The following PLCG2 variants were observed in gnomAD, a reference collection of about 807,000 sequenced individuals.
The protein encoded by PLCG2 is 1-phosphatidylinositol 4,5-bisphosphate phosphodiesterase gamma-2.
In PLCG2, 69 loss-of-function variants were observed where a neutral mutation model predicts 175.6. The ratio of observed to expected loss-of-function variants is 0.39; its 90% CI spans 0.32 to 0.48. The LOEUF (loss-of-function observed/expected upper bound fraction) is 0.48. Among genes scored for constraint, PLCG2 ranks in the 20% least tolerant of loss-of-function variants. PLCG2 has a pLI of 0.91. For synonymous variants in PLCG2, 827 were observed against 624.0 expected (o/e 1.33, Z -4.85); for missense variants, 1,798 against 1,650.9 (o/e 1.09, Z -1.54).
At position 81,912,660 on chromosome 16, in the gene PLCG2, C is replaced by G. The variant is rs745784908; in HGVS notation, c.1998C>G (p.Asp666Glu). The G allele has an allele frequency of 1.9e-6, 3 of 1,612,782 alleles. No homozygotes were observed. Among genetic ancestry groups the G allele is most frequent in the Non-Finnish European group, 2.5e-6 (3 of 1,179,658 alleles). The change falls in exon 19 of 33, where the codon GAC becomes GAG. Residue 666 changes from aspartate to glutamate, a missense_variant. Coordinates refer to ENST00000564138, the MANE Select transcript of PLCG2 (RefSeq NM_002661.5). ...ACATGCTGATGAGGATTCCCCGGGA[C>G]GGGGCCTTCCTGATCCGGAAGCGAG... ...AEDMLMRIPR[D>E]GAFLIRKREG...
chr16:81,957,718 T>C (rs1911631971), intron 32 of PLCG2, among the ~76,000 whole-genome samples: 1 of 152,108 alleles, frequency 6.6e-6, no homozygotes, highest in African/African-American at 2.4e-5. Flanking sequence ...ATTATTCTCA[T>C]TGAATCTTCA....
At chr16:81,940,601 A>G (rs372759163) in intron 30 of PLCG2, among the ~76,000 whole-genome samples, 1 of 152,178 alleles carries the variant, frequency 6.6e-6, no homozygotes, top group East Asian at 1.9e-4. Flanking sequence ...AGATCCCTTC[A>G]TGGTATAAGA....
chr16:81,947,923 A>G (rs999833442), intron 31 of PLCG2, among the ~76,000 whole-genome samples: 1 of 152,100 alleles, frequency 6.6e-6, no homozygotes, highest in East Asian at 1.9e-4. Flanking sequence ...GATTTTTTGT[A>G]TATGATATTT....
At chr16:81,883,396 A>G in intron 9 of PLCG2, 55 bp downstream of exon 9, 3 of 1,435,210 alleles carry the variant, frequency 2.1e-6, no homozygotes, top group Non-Finnish European at 2.9e-6. Flanking sequence ...GCTGCTGGGG[A>G]CTAGTCTCAC....
rs375164693 is a variant in PLCG2, at chr16:81,739,330, C to T, written c.-200C>T. The T allele has an allele frequency of 5.3e-5, 8 of 152,120 alleles. No individual in the cohort carries two copies. The East Asian group carries it at 1.6e-3, about 30-fold the overall frequency. 9.4% of individuals were successfully genotyped at this position (152,120 alleles called of 1,614,324 possible). ...CGGAAGAAATAGGCCCAGAGAGCAA[C>T]AGTGGCGGGTCTGCAGTCACACAGC... On this transcript the variant is annotated 5_prime_UTR_variant, in exon 1 of 6. Coordinates refer to the PLCG2 transcript ENST00000565054.
At chr16:81,761,594 T>C (rs1427872093) in intron 2 of PLCG2, among the ~76,000 whole-genome samples, 3 of 152,154 alleles carry the variant, frequency 2.0e-5, no homozygotes, top group South Asian at 2.1e-4. Flanking sequence ...CCCAGTTTCC[T>C]CCTTTGTAAA....
At chr16:81,823,484 C>T (rs527753829) in intron 2 of PLCG2, among the ~76,000 whole-genome samples, 97 of 152,276 alleles carry the variant, frequency 6.4e-4, no homozygotes, top group Admixed American at 2.0e-3. Context: ...CCCTTCCTGT[C>T]TAGCTTGGAT....
intron 30 of PLCG2, among the ~76,000 whole-genome samples, chr16:81,944,718 C>T (rs1253507695): frequency 6.6e-6 from 1 of 152,138 alleles, no homozygotes; most frequent in Non-Finnish European, 1.5e-5. Flanking sequence ...TCAAGTGATC[C>T]TCCTGCCTTG....
chr16:81,898,144 A>G, intron 13 of PLCG2: 1 of 218,076 alleles, frequency 4.6e-6, no homozygotes, highest in South Asian at 5.5e-5. Context: ...GTGAGCTGAC[A>G]GTCATTCATC....
rs1193617384 is a variant in PLCG2, at chr16:81,923,518, A to G, written c.2341A>G (p.Lys781Glu). 1.9e-6 allele frequency: 3 copies of G among 1,613,590 alleles called. No homozygotes were observed. Among genetic ancestry groups the G allele is most frequent in the Admixed American group, 3.3e-5 (2 of 60,010 alleles). ...QRTVKALYDY[K>E]AKRSDELSFC... ...AACCGTGAAAGCTCTGTATGACTACAAAGCCAAGCGAAGCGATGAGCTGAG... is the reference window on the plus strand; with the variant it reads ...AACCGTGAAAGCTCTGTATGACTACGAAGCCAAGCGAAGCGATGAGCTGAG... Residue 781 changes from lysine to glutamate, a missense_variant, in exon 22 of 33, where the codon AAA becomes GAA. Lys to Glu is a moderately conservative substitution (Grantham distance 56). Transcript: ENST00000564138.
intron 9 of PLCG2, among the ~76,000 whole-genome samples, chr16:81,887,702 G>A (rs1414831454): frequency 2.0e-5 from 3 of 152,186 alleles, no homozygotes; most frequent in Non-Finnish European, 4.4e-5. Flanking sequence ...ACATCTGGTC[G>A]CATATTTGCT....
At chr16:81,774,920 T>G (rs1910366704), upstream of PLCG2, among the ~76,000 whole-genome samples, 1 of 151,956 alleles carries the variant, frequency 6.6e-6, no homozygotes, top group East Asian at 1.9e-4. Context: ...ATTTTTAAAG[T>G]TTTTTGTAGA....
intron 1 of PLCG2, among the ~76,000 whole-genome samples, chr16:81,754,198 G>A (rs537549290): frequency 1.1e-4 from 17 of 151,542 alleles, no homozygotes; most frequent in Admixed American, 3.3e-4. Context: ...GAGTTGAGAG[G>A]GGATGGAGAA....
intron 2 of PLCG2, among the ~76,000 whole-genome samples, chr16:81,844,143 A>ATTTTTTTTTTTTTTTTTTTTTTTTTTT: frequency 1.1e-5 from 1 of 93,910 alleles, no homozygotes; most frequent in Non-Finnish European, 2.0e-5. Context: ...CACCCGGCTG[A>ATTTTTTTTTTTTTTTTTTTTTTTTTTT]TTTTTTTTTT....
At chr16:81,911,790 CTTTTTTTTTTTT>C (rs35027472) in intron 18 of PLCG2, among the ~76,000 whole-genome samples, 9 of 67,242 alleles carry the variant, frequency 1.3e-4, no homozygotes, top group Admixed American at 6.9e-4. Flanking sequence ...TTTGTATTTC[CTTTTTTTTTTTT>C]TTTTTTTTTT....
intron 2 of PLCG2, among the ~76,000 whole-genome samples, chr16:81,787,820 T>A (rs1248507317): frequency 1.3e-5 from 2 of 152,114 alleles, no homozygotes; most frequent in South Asian, 2.1e-4. Flanking sequence ...TAGAAATGGA[T>A]CCTATGTATG....
intron 2 of PLCG2, among the ~76,000 whole-genome samples, chr16:81,772,657 A>T (rs1196067789): frequency 1.7e-5 from 1 of 57,260 alleles, no homozygotes; most frequent in African/African-American, 6.5e-5. Context: ...TAAAAATACA[A>T]AAAAAAAAAA....
At chr16:81,901,073 A>C (rs1032223462) in intron 14 of PLCG2, among the ~76,000 whole-genome samples, 4 of 152,250 alleles carry the variant, frequency 2.6e-5, no homozygotes, top group Non-Finnish European at 5.9e-5. Context: ...TGCGCCTGTC[A>C]TGTGGTTGGT....
intron 2 of PLCG2, among the ~76,000 whole-genome samples, chr16:81,849,241 A>G (rs1906275343): frequency 6.6e-6 from 1 of 152,130 alleles, no homozygotes; most frequent in South Asian, 2.1e-4. Flanking sequence ...CTTTAAGGAG[A>G]CAAGTCAGGA....
Sources: allele counts gnomAD v4.1 joint callset (sites outside exome capture counted in the v4.1 genomes callset), GRCh38; gene constraint gnomAD v4.1.1; transcripts MANE v1.5; gene names NCBI Gene and HGNC (gene_info 2026-07-23, HGNC 2026-07-21).